The following VPS26A variants were observed in gnomAD, a reference collection of about 807,000 sequenced individuals.
The protein encoded by VPS26A is VPS26 retromer complex component A.
VPS26A carries 22 observed loss-of-function variants against 42.4 expected under a neutral mutation model. That is an observed-to-expected ratio of 0.52 (90% CI 0.37 to 0.74). VPS26A has a LOEUF of 0.74. Ranked by LOEUF, VPS26A falls within the 30% of genes least tolerant of loss-of-function variation. The pLI, the probability that VPS26A is intolerant of heterozygous loss-of-function variation, is 0.00. For synonymous variants in VPS26A, 110 were observed against 123.5 expected (o/e 0.89, Z 0.73); for missense variants, 276 against 379.2 (o/e 0.73, Z 2.26).
chr10:69,166,514 A>G (rs377358283), intron 7 of VPS26A, among the ~76,000 whole-genome samples: 3 of 152,230 alleles, frequency 2.0e-5, no homozygotes, highest in East Asian at 3.8e-4. Context: ...CAGTTCCATT[A>G]CTAGATTAAT....
Position 69,143,552 on chromosome 10 carries a change from A to G in VPS26A, c.153+10505A>G, listed in dbSNP as rs573048392. The stretch of plus-strand genomic sequence containing the variant: ...TCTGCTTTTTAGAGATACGCAAAAT[A>G]AATCTAATCCTTTTCTAAGTAAGAG... On this transcript the variant is annotated intron_variant, in intron 2 of 8. Transcript: ENST00000263559. Among the ~76,000 whole-genome samples the G allele has an allele frequency of 5.3e-4, 80 of 152,272 alleles. 1 individual carries two copies. Among genetic ancestry groups the G allele is most frequent in the African/African-American group, 1.9e-3 (78 of 41,564 alleles).
chr10:69,171,462 T>C lies in VPS26A; in HGVS notation c.*193T>C. ...ATGTTCGTTCATGTATATACATTTT[T>C]AAAAGTGCTTTCTTTGAAACACTGG... On this transcript the variant is annotated 3_prime_UTR_variant, in exon 9 of 9. Transcript: ENST00000263559. 1 of 443,052 alleles carries C rather than the reference T, an allele frequency of 2.3e-6. No individual in the cohort carries two copies. The highest frequency in any genetic ancestry group is 4.0e-5 in the South Asian group (1 of 24,910). 27.4% of individuals were successfully genotyped at this position (443,052 alleles called of 1,614,324 possible). A position where few individuals can be genotyped will look rare whatever the true frequency, so the allele number is the denominator to read the frequency against.
intron 2 of VPS26A, among the ~76,000 whole-genome samples, chr10:69,142,878 T>C (rs1841074323): frequency 6.6e-6 from 1 of 152,178 alleles, no homozygotes; most frequent in Non-Finnish European, 1.5e-5. Flanking sequence ...AGACAAATGC[T>C]ATGCGATAAT....
In VPS26A at chr10:69,172,253, G is replaced by A. The variant is rs945248591; in HGVS notation, c.*984G>A. 2.6e-5 allele frequency: 4 copies of A among 152,030 alleles called. No individual in the cohort carries two copies. Among genetic ancestry groups the A allele is most frequent in the Non-Finnish European group, 2.9e-5 (2 of 68,014 alleles). 9.4% of individuals were successfully genotyped at this position (152,030 alleles called of 1,614,324 possible). On this transcript the variant is annotated 3_prime_UTR_variant, in exon 9 of 9. Coordinates refer to ENST00000263559, the MANE Select transcript of VPS26A (RefSeq NM_004896.5). The stretch of plus-strand genomic sequence containing the variant: ...GGGTAATTTCATGTTTATTAAACTC[G>A]AACTTTGGCTAGTTAAACTCATATT...
chr10:69,134,247 GAT>G (rs1242996856), intron 2 of VPS26A, among the ~76,000 whole-genome samples: 1 of 152,086 alleles, frequency 6.6e-6, no homozygotes, highest in African/African-American at 2.4e-5. Context: ...CGCATTAATT[GAT>G]ATTTATGTAT....
At chr10:69,164,269 G>A (rs1841635155) in intron 6 of VPS26A, among the ~76,000 whole-genome samples, 1 of 151,000 alleles carries the variant, frequency 6.6e-6, no homozygotes, top group African/African-American at 2.4e-5. Flanking sequence ...CCAGGCTGGA[G>A]TGCAATGGTA....
intron 1 of VPS26A, among the ~76,000 whole-genome samples, chr10:69,130,859 A>G (rs1043031232): frequency 5.9e-5 from 9 of 152,198 alleles, no homozygotes; most frequent in African/African-American, 2.2e-4. Flanking sequence ...GTGTAGTTGT[A>G]TCTCCTCTAA....
chr10:69,162,615 T>C, intron 6 of VPS26A, 103 bp downstream of exon 6: 1 of 653,746 alleles, frequency 1.5e-6, no homozygotes. Flanking sequence ...CATTGAGTAC[T>C]AATTTTGCTA....
At chr10:69,151,725 G>A (rs1791707794) in intron 2 of VPS26A, among the ~76,000 whole-genome samples, 1 of 152,118 alleles carries the variant, frequency 6.6e-6, no homozygotes, top group Non-Finnish European at 1.5e-5. Context: ...GTTTCATGAT[G>A]GTTTTTGAAG....
chr10:69,161,744 T>C, intron 5 of VPS26A: 1 of 374,150 alleles, frequency 2.7e-6, no homozygotes, highest in South Asian at 2.4e-5. Flanking sequence ...TCATCACAAT[T>C]AGATGCAAGC....
chr10:69,148,274 T>A (rs1841209355), intron 2 of VPS26A, among the ~76,000 whole-genome samples: 1 of 152,216 alleles, frequency 6.6e-6, no homozygotes, highest in Non-Finnish European at 1.5e-5. Flanking sequence ...AGAAATTGAA[T>A]CTGTGGCAAG....
intron 2 of VPS26A, among the ~76,000 whole-genome samples, chr10:69,144,277 A>G (rs1422515060): frequency 6.6e-6 from 1 of 152,246 alleles, no homozygotes; most frequent in African/African-American, 2.4e-5. Flanking sequence ...ACTAAAGTCC[A>G]TAGTTTACAT....
intron 2 of VPS26A, among the ~76,000 whole-genome samples, chr10:69,147,273 T>C (rs138277675): frequency 1.5e-4 from 23 of 152,334 alleles, no homozygotes; most frequent in Middle Eastern, 3.4e-3. Flanking sequence ...TTTTTCTTTT[T>C]ATGGTTGAGT....
intron 6 of VPS26A, among the ~76,000 whole-genome samples, chr10:69,165,676 AGT>A (rs1172578475): frequency 3.9e-5 from 6 of 151,986 alleles, no homozygotes; most frequent in Non-Finnish European, 5.9e-5. Context: ...CAGGCATGAT[AGT>A]GCACGCCTGT....
chr10:69,150,688 C>T (rs996048667), intron 2 of VPS26A, among the ~76,000 whole-genome samples: 2 of 152,148 alleles, frequency 1.3e-5, no homozygotes, highest in African/African-American at 4.8e-5. Flanking sequence ...TGAGCCACCG[C>T]GCCCGGCAGA....
At chr10:69,128,103 A>G (rs1840701610) in intron 1 of VPS26A, among the ~76,000 whole-genome samples, 1 of 152,150 alleles carries the variant, frequency 6.6e-6, no homozygotes, top group African/African-American at 2.4e-5. Context: ...TATTTAAGGA[A>G]TGGTGTCAAA....
At chr10:69,140,622 C>A (rs1841020230) in intron 2 of VPS26A, among the ~76,000 whole-genome samples, 2 of 151,990 alleles carry the variant, frequency 1.3e-5, no homozygotes, top group Non-Finnish European at 2.9e-5. Flanking sequence ...TGAGCTCAGG[C>A]GATCCACCTG....
chr10:69,164,547 A>G (rs1841642621), intron 6 of VPS26A, among the ~76,000 whole-genome samples: 1 of 151,664 alleles, frequency 6.6e-6, no homozygotes, highest in Admixed American at 6.6e-5. Context: ...GGTAGCAAAA[A>G]TTTCCCTCGT....
chr10:69,150,164 C>T (rs1564680264), intron 2 of VPS26A, among the ~76,000 whole-genome samples: 1 of 151,866 alleles, frequency 6.6e-6, no homozygotes, highest in Non-Finnish European at 1.5e-5. Context: ...AGTGATACTC[C>T]CACCTCAGCC....
Sources: gnomAD v4.1 joint callset for allele counts (sites outside exome capture counted in the v4.1 genomes callset) on GRCh38, gnomAD v4.1.1 for gene constraint, MANE v1.5 for transcripts, NCBI Gene and HGNC (gene_info 2026-07-23, HGNC 2026-07-21) for gene names.